The following INPP4A variants were observed in gnomAD, a reference collection of about 807,000 sequenced individuals.
The protein encoded by INPP4A is inositol polyphosphate-4-phosphatase, type I, 107kD.
A neutral mutation model predicts 119.8 loss-of-function variants in INPP4A; 33 were observed. The ratio of observed to expected loss-of-function variants is 0.28; its 90% CI spans 0.21 to 0.37. The LOEUF (loss-of-function observed/expected upper bound fraction) is 0.37. Ranked by LOEUF, INPP4A falls within the 10% of genes least tolerant of loss-of-function variation. INPP4A has a pLI of 1.00. For synonymous variants in INPP4A, 496 were observed against 500.7 expected, an observed-to-expected ratio of 0.99 and a Z score of 0.12; for missense variants, 956 against 1,289.9, an observed-to-expected ratio of 0.74 and a Z score of 3.97.
chr2:98,526,097 G>A (rs1322267732), intron 4 of INPP4A, among the ~76,000 whole-genome samples: 4 of 152,158 alleles, frequency 2.6e-5, no homozygotes, highest in African/African-American at 9.7e-5. Flanking sequence ...AATGGAATAT[G>A]ACTCATTTTT....
intron 1 of INPP4A, among the ~76,000 whole-genome samples, chr2:98,494,869 C>G (rs1681614574): frequency 6.6e-6 from 1 of 152,138 alleles, no homozygotes; most frequent in Non-Finnish European, 1.5e-5. Flanking sequence ...TTAGTGGGGT[C>G]TAACAGCTGG....
chr2:98,457,887 A>G (rs758420326), intron 1 of INPP4A, among the ~76,000 whole-genome samples: 2 of 152,002 alleles, frequency 1.3e-5, no homozygotes, highest in African/African-American at 2.4e-5. Flanking sequence ...TGCAGCCTCA[A>G]ACTCTAGGGC....
intron 4 of INPP4A, among the ~76,000 whole-genome samples, chr2:98,528,735 A>G (rs536941351): frequency 6.6e-6 from 1 of 152,342 alleles, no homozygotes; most frequent in East Asian, 1.9e-4. Context: ...GAGGTCAGGA[A>G]GGTGGTAGGG....
chr2:98,563,412 C>T, intron 17 of INPP4A, 53 bp from the exon 18 acceptor site: 1 of 1,536,982 alleles, frequency 6.5e-7, no homozygotes, highest in Non-Finnish European at 8.9e-7. Flanking sequence ...TTGCCAGAAC[C>T]TAATTCTTAA....
At position 98,576,925 on chromosome 2, in the gene INPP4A, T is replaced by G; in HGVS notation, c.2632-64T>G. ...GGGCTGGTTGGGAGCCTTTCCTGTG[T>G]GTGAAGGGTGCTGCCTTTCTGTGGA... On this transcript the variant is annotated intron_variant, in intron 23 of 24. Coordinates refer to ENST00000409851, the MANE Select transcript of INPP4A (RefSeq NM_001134225.2). The G allele has an allele frequency of 1.9e-6, 3 of 1,559,840 alleles. No individual in the cohort carries two copies. In the East Asian group the frequency reaches 6.8e-5, roughly 36 times the overall value.
At position 98,566,149 on chromosome 2, in the gene INPP4A, G is replaced by A. The variant is rs1473346537; in HGVS notation, c.2400G>A (p.Glu800=). ...QPVLFNVGIN[E]QQTLAERFGD... ...TCCTCTTCAACGTGGGCATCAATGA[G>A]CAGCAGACACTGGCCGAGAGGTGCG... The change falls in exon 21 of 25, where the codon GAG becomes GAA. Residue 800 remains glutamate, a synonymous_variant. Coordinates refer to ENST00000409851, the MANE Select transcript of INPP4A (RefSeq NM_001134225.2). This position sits in a 1 kb window ranked among gnomAD's most constrained non-coding sequence, Gnocchi z 4.2. The A allele has an allele frequency of 6.3e-7, 1 of 1,596,186 alleles. No homozygotes were observed. The highest frequency in any genetic ancestry group is 8.5e-7 in the Non-Finnish European group (1 of 1,169,818).
At chr2:98,475,756 G>A (rs1677074132) in intron 1 of INPP4A, among the ~76,000 whole-genome samples, 1 of 152,104 alleles carries the variant, frequency 6.6e-6, no homozygotes, top group South Asian at 2.1e-4. Flanking sequence ...CTCACCTGGG[G>A]TGGGGGCTTT....
rs1276804656 is a variant in INPP4A, at chr2:98,546,238, A to G, written c.1054+165A>G. On this transcript the variant is annotated intron_variant, in intron 12 of 24. Coordinates refer to ENST00000409851, the MANE Select transcript of INPP4A (RefSeq NM_001134225.2). The surrounding 1 kb of genome is among the most constrained non-coding windows in gnomAD (Gnocchi z 4.2). ...TTCAAAAGGTTTCTGATAACAGCCC[A>G]CACCCCTTCCTTTTGTCTCTCCTCA... is the stretch of plus-strand genomic sequence containing the variant. 6.6e-6 allele frequency among the ~76,000 whole-genome samples: 1 copy of G among 152,144 alleles called. No homozygotes were observed. Among genetic ancestry groups the G allele is most frequent in the Non-Finnish European group, 1.5e-5 (1 of 68,018 alleles).
chr2:98,565,862 A>G, intron 20 of INPP4A, 96 bp downstream of exon 20: 1 of 1,545,286 alleles, frequency 6.5e-7, no homozygotes, highest in Non-Finnish European at 8.8e-7. Context: ...ATCCTATTTC[A>G]TTTTGTTAAA....
At chr2:98,583,612 G>C (rs2106553909) in intron 24 of INPP4A, among the ~76,000 whole-genome samples, 1 of 152,286 alleles carries the variant, frequency 6.6e-6, no homozygotes, top group Middle Eastern at 3.4e-3. Context: ...TCTCCAGCTG[G>C]TTCCCCATAC....
rs139537975 is a variant in INPP4A at position 98,468,163 on chromosome 2, T to C, written c.-166+23078T>C. On this transcript the variant is annotated intron_variant, in intron 1 of 24. Transcript: ENST00000409851. Reference sequence around the variant, plus strand: ...TCTTAGTGGACTAATAGTAAAACTTTGAGGTTTTACAGTAAGAAAGTGAGA... The same window carrying C: ...TCTTAGTGGACTAATAGTAAAACTTCGAGGTTTTACAGTAAGAAAGTGAGA... Among the ~76,000 whole-genome samples, 756 of 152,352 alleles carry C rather than the reference T, an allele frequency of 5.0e-3. 7 individuals are homozygous for C. The highest frequency in any genetic ancestry group is 0.017 in the African/African-American group (710 of 41,574).
chr2:98,552,361 C>T (rs1693685468), intron 13 of INPP4A, among the ~76,000 whole-genome samples: 1 of 152,146 alleles, frequency 6.6e-6, no homozygotes, highest in African/African-American at 2.4e-5. Context: ...ACACCCACTG[C>T]AGTCTCTGCT....
chr2:98,454,541 T>C (rs1695773872), intron 1 of INPP4A, among the ~76,000 whole-genome samples: 1 of 152,166 alleles, frequency 6.6e-6, no homozygotes, highest in Admixed American at 6.5e-5. Context: ...TGCAGTGCAC[T>C]GGACCGGTGC....
chr2:98,568,627 A>T lies in INPP4A; in HGVS notation c.2477A>T (p.Asn826Ile), dbSNP rs199956128. The part of the protein sequence containing the change: ...VINVESLVRL[N>I]SYFEQFKEVL... Reference sequence around the variant, plus strand: ...AACGTGGAGAGTTTGGTGCGGTTAAATTCCTACTTTGAGCAGTTTAAGGAA... The same window carrying T: ...AACGTGGAGAGTTTGGTGCGGTTAATTTCCTACTTTGAGCAGTTTAAGGAA... The change falls in exon 22 of 25, where the codon AAT becomes ATT. Residue 826 changes from asparagine (N) to isoleucine (I), a missense_variant. By Grantham distance (149) the Asn-to-Ile change is moderately radical. Transcript: ENST00000409851. 1.9e-6 allele frequency: 3 copies of T among 1,605,020 alleles called. No homozygotes were observed. In the Admixed American group the frequency reaches 5.1e-5, roughly 27 times the overall value.
chr2:98,585,290 A>C (rs539902013), intron 24 of INPP4A, among the ~76,000 whole-genome samples: 1 of 152,320 alleles, frequency 6.6e-6, no homozygotes, highest in South Asian at 2.1e-4. Context: ...GGAAGACCCC[A>C]CTGGAACCGG....
At chr2:98,497,992 G>A (rs1682375281) in intron 1 of INPP4A, among the ~76,000 whole-genome samples, 1 of 152,206 alleles carries the variant, frequency 6.6e-6, no homozygotes, top group African/African-American at 2.4e-5. Flanking sequence ...AGGCTCATAG[G>A]CAGAAGGGAC....
chr2:98,523,375 G>T (rs896457576), intron 4 of INPP4A, among the ~76,000 whole-genome samples: 5 of 151,302 alleles, frequency 3.3e-5, no homozygotes, highest in Non-Finnish European at 7.4e-5. Flanking sequence ...AGTTTTTTTT[G>T]TTTTGTTTTT....
At chr2:98,563,696 G>A (rs1695908336) in intron 18 of INPP4A, 59 bp downstream of exon 18, 1 of 1,547,306 alleles carries the variant, frequency 6.5e-7, no homozygotes, top group Non-Finnish European at 8.8e-7. Flanking sequence ...AGAAAAGACA[G>A]GCTTAGGAAG....
At chr2:98,581,964 G>C (rs940961265) in intron 24 of INPP4A, 36 of 790,710 alleles carry the variant, frequency 4.6e-5, no homozygotes, top group Non-Finnish European at 6.2e-5. Context: ...TTTAGCTCCT[G>C]TAGCATCTTC....
Sources: gnomAD v4.1 joint callset for allele counts (sites outside exome capture counted in the v4.1 genomes callset) on GRCh38, gnomAD v4.1.1 for gene constraint, Gnocchi (gnomAD v3.1) non-coding constraint, MANE v1.5 for transcripts, NCBI Gene and HGNC (gene_info 2026-07-23, HGNC 2026-07-21) for gene names.